Variants in VIL1 observed in about 807,000 individuals in gnomAD.
VIL1 encodes the protein villin-1.
VIL1 carries 86 observed loss-of-function variants against 104.0 expected under a neutral mutation model. The ratio of observed to expected loss-of-function variants is 0.83; its 90% confidence interval spans 0.69 to 0.99. The LOEUF (loss-of-function observed/expected upper bound fraction) is 0.99, where lower values mean the gene tolerates loss of function less well. Ranked by LOEUF, VIL1 falls within the 50% of genes least tolerant of loss-of-function variation. The pLI, the probability that VIL1 is intolerant of heterozygous loss-of-function variation, is 0.00. For missense variants in VIL1, 944 were observed against 1,054.1 expected (o/e 0.90, Z 1.45); for synonymous variants, 394 against 412.6 (o/e 0.95, Z 0.55).
At position 218,436,620 on chromosome 2, in the gene VIL1, G is replaced by A; in HGVS notation, c.1965G>A (p.Trp655Ter). ...ATGATGTGTTCCTACTAGATGTCTG[G>A]GACCAGGTAGGACCAAGGGCCTGGG... ...EEDDVFLLDV[W>*]DQVFFWIGKH... The change falls in exon 16 of 20, where the codon TGG becomes TGA. Residue 655 changes from tryptophan (W) to a stop codon, truncating the protein, a stop_gained. Coordinates refer to ENST00000248444, the MANE Select transcript of VIL1 (RefSeq NM_007127.3). LOFTEE classifies it high-confidence loss of function. 1 of 1,613,660 alleles carries A rather than the reference G, an allele frequency of 6.2e-7. No homozygotes were observed. Among genetic ancestry groups the A allele is most frequent in the Non-Finnish European group, 8.5e-7 (1 of 1,179,854 alleles).
At position 218,437,188 on chromosome 2, in the gene VIL1, A is replaced by G; in HGVS notation, c.2036A>G (p.Gln679Arg). The change falls in exon 17 of 20, where the codon CAG becomes CGG. Residue 679 changes from glutamine (Q) to arginine (R), a missense_variant. Physicochemically the swap from Gln to Arg is conservative, Grantham distance 43. Transcript: ENST00000248444. Reference sequence around the variant, plus strand: ...AAGAAGGCCGCAGCAACCACTGCACAGGAATACCTCAAGACCCATCCCAGC... The same window carrying G: ...AAGAAGGCCGCAGCAACCACTGCACGGGAATACCTCAAGACCCATCCCAGC... ...EEKKAAATTA[Q>R]EYLKTHPSGR... 6.2e-7 allele frequency: 1 copy of G among 1,614,228 alleles called. No individual in the cohort carries two copies. Among genetic ancestry groups the G allele is most frequent in the Non-Finnish European group, 8.5e-7 (1 of 1,180,046 alleles).
At chr2:218,448,295 T>C (rs1689399552) in intron 19 of VIL1, among the ~76,000 whole-genome samples, 1 of 151,950 alleles carries the variant, frequency 6.6e-6, no homozygotes, top group South Asian at 2.1e-4. Context: ...CCAGGCATGG[T>C]GGCTCATGCC....
chr2:218,441,539 C>A (rs1434033693), intron 19 of VIL1, among the ~76,000 whole-genome samples: 1 of 152,116 alleles, frequency 6.6e-6, no homozygotes, highest in African/African-American at 2.4e-5. Context: ...AAAATGGGGG[C>A]AAAACTGCAA....
rs1388218035 is a variant in VIL1 at position 218,432,560 on chromosome 2, C to A, written c.1342-233C>A. The A allele has an allele frequency of 4.1e-6, 3 of 732,402 alleles. No homozygotes were observed. In the Admixed American group the frequency reaches 6.1e-5, roughly 15 times the overall value. The allele number at this position is 732,402 out of a possible 1,614,324, so 45.4% of individuals were successfully genotyped here. A position where few individuals can be genotyped will look rare whatever the true frequency, so the allele number is the denominator to read the frequency against. On this transcript the variant is annotated intron_variant, in intron 12 of 19. Transcript: ENST00000248444. The stretch of plus-strand genomic sequence containing the variant: ...AGGTTTGGGGTTAAGGCTGGGGTTG[C>A]AGGTAGGTCAGGGCTGGGCTGGGTC...
intron 19 of VIL1, among the ~76,000 whole-genome samples, chr2:218,443,747 C>T (rs761021883): frequency 4.6e-5 from 7 of 152,034 alleles, no homozygotes; most frequent in Admixed American, 1.3e-4. Flanking sequence ...CTCCGCCTCC[C>T]GAGTTCAAGC....
chr2:218,429,852 T>TGTTA lies in VIL1; in HGVS notation c.854_857dup (p.Tyr286Ter). ...CTCTTACCTCTCCCGACTCTAGGAC[T>TGTTA]GTTACATCCTGGACCAGGGGGGCCT... On this transcript the variant is annotated stop_gained and frameshift_variant, in exon 9 of 20. Transcript: ENST00000248444. LOFTEE classifies it high-confidence loss of function. The TGTTA allele has an allele frequency of 6.2e-7, 1 of 1,613,258 alleles. No homozygotes were observed. Among genetic ancestry groups the TGTTA allele is most frequent in the Non-Finnish European group, 8.5e-7 (1 of 1,179,744 alleles).
intron 16 of VIL1, 35 bp downstream of exon 16, chr2:218,436,661 C>A: frequency 6.2e-7 from 1 of 1,602,112 alleles, no homozygotes; most frequent in Non-Finnish European, 8.5e-7. Context: ...CTCTTCCCAG[C>A]CACCTCAATC....
intron 4 of VIL1, among the ~76,000 whole-genome samples, chr2:218,427,709 T>G (rs1370821949): frequency 6.6e-6 from 1 of 151,976 alleles, no homozygotes; most frequent in Non-Finnish European, 1.5e-5. Flanking sequence ...GCAAGACGAG[T>G]GAAGATCTAG....
chr2:218,432,647 G>T, intron 12 of VIL1, 146 bp from the exon 13 acceptor site: 2 of 1,089,342 alleles, frequency 1.8e-6, no homozygotes, highest in Non-Finnish European at 2.7e-6. Flanking sequence ...TTGGGGTTTT[G>T]GCTGTTTCAC....
At chr2:218,428,458 C>T in intron 6 of VIL1, 121 bp downstream of exon 6, 1 of 835,488 alleles carries the variant, frequency 1.2e-6, no homozygotes, top group Non-Finnish European at 2.0e-6. Flanking sequence ...GCTCAGTCTC[C>T]ATGTGTTTGG....
At chr2:218,426,239 C>A (rs915323292) in intron 4 of VIL1, among the ~76,000 whole-genome samples, 6 of 152,070 alleles carry the variant, frequency 3.9e-5, no homozygotes, top group Non-Finnish European at 5.9e-5. Context: ...AAAACCAAGA[C>A]CGACAGCTTT....
intron 4 of VIL1, among the ~76,000 whole-genome samples, 176 bp downstream of exon 4, chr2:218,425,987 C>T (rs1480093200): frequency 2.0e-5 from 3 of 151,910 alleles, no homozygotes; most frequent in Non-Finnish European, 4.4e-5. Flanking sequence ...GGGGGAGGCA[C>T]GAGGGGGACC....
intron 1 of VIL1, 147 bp downstream of exon 1, chr2:218,419,315 T>G (rs1227036775): frequency 6.6e-6 from 1 of 152,088 alleles, no homozygotes; most frequent in Non-Finnish European, 1.5e-5. Flanking sequence ...GCGTGAGAAG[T>G]GCTGGGAGCC....
intron 3 of VIL1, among the ~76,000 whole-genome samples, chr2:218,424,603 T>A (rs577356026): frequency 1.1e-4 from 16 of 152,336 alleles, no homozygotes; most frequent in South Asian, 2.1e-4. Context: ...TTCTGAGTTG[T>A]TGCCGTATCA....
In VIL1 at chr2:218,438,739, C is replaced by T. The variant is rs375070894; in HGVS notation, c.2229+13C>T. On this transcript the variant is annotated intron_variant, in intron 18 of 19. Coordinates refer to ENST00000248444, the MANE Select transcript of VIL1 (RefSeq NM_007127.3). ...CCAGATCACTGCTGTGAGTCCGGGG[C>T]GGGGTGGCTGGGCCCTGCAGTGGCC... The T allele has an allele frequency of 6.8e-6, 11 of 1,607,346 alleles. No individual in the cohort carries two copies. Among genetic ancestry groups the T allele is most frequent in the African/African-American group, 4.0e-5 (3 of 74,872 alleles).
In VIL1 at chr2:218,423,759, CT is replaced by C; in HGVS notation, c.-11-8del. On this transcript the variant is annotated splice_region_variant and splice_polypyrimidine_tract_variant and intron_variant, in intron 1 of 19. Coordinates refer to ENST00000248444, the MANE Select transcript of VIL1 (RefSeq NM_007127.3). ...AGGGTGCCCCTGCTCCCAACGCCTT[CT>C]CCCCCAGGCTCACTCACCATGACCA... The C allele has an allele frequency of 1.2e-6, 2 of 1,614,004 alleles. No individual in the cohort carries two copies. Among genetic ancestry groups the C allele is most frequent in the Non-Finnish European group, 1.7e-6 (2 of 1,179,904 alleles).
chr2:218,425,532 C>T (rs760934182), intron 3 of VIL1, 83 bp from the exon 4 acceptor site: 174 of 1,443,682 alleles, frequency 1.2e-4, no homozygotes, highest in Non-Finnish European at 1.5e-4. Flanking sequence ...TAGTCCTGGA[C>T]GGCACGTGTG....
intron 19 of VIL1, among the ~76,000 whole-genome samples, chr2:218,445,428 AC>A (rs766608915): frequency 6.6e-6 from 1 of 151,760 alleles, no homozygotes; most frequent in East Asian, 1.9e-4. Flanking sequence ...AACAAAAAGA[AC>A]CCCCAAACCA....
At chr2:218,437,004 T>C in intron 16 of VIL1, 120 bp from the exon 17 acceptor site, 1 of 1,217,740 alleles carries the variant, frequency 8.2e-7, no homozygotes. Context: ...CCTAGGTCAT[T>C]TGGCTGGTAG....
Sources: gnomAD v4.1 joint callset for allele counts (sites outside exome capture counted in the v4.1 genomes callset) on GRCh38, gnomAD v4.1.1 for gene constraint, MANE v1.5 for transcripts, NCBI Gene and HGNC (gene_info 2026-07-23, HGNC 2026-07-21) for gene names.